Variants in MYLK4 observed in about 807,000 individuals in gnomAD.
MYLK4 encodes the protein caMLCK like.
Under a neutral mutation model 48.1 loss-of-function variants are expected in MYLK4, and 46 were observed. That is an observed-to-expected ratio of 0.96 (90% CI 0.75 to 1.22). The LOEUF (loss-of-function observed/expected upper bound fraction) is 1.22. Among genes scored for constraint, MYLK4 ranks in the 50% most tolerant of loss-of-function variants. MYLK4 has a pLI of 0.00. For missense variants in MYLK4, 451 were observed against 486.1 expected (o/e 0.93, Z 0.68); for synonymous variants, 170 against 180.8 (o/e 0.94, Z 0.48).
intron 2 of MYLK4, among the ~76,000 whole-genome samples, chr6:2,730,161 G>A (rs1044878146): frequency 2.0e-5 from 3 of 152,224 alleles, no homozygotes; most frequent in African/African-American, 7.2e-5. Flanking sequence ...TTGGGGAGGT[G>A]AGGGGCTGAA....
chr6:2,738,245 C>A (rs1763769306), intron 2 of MYLK4, among the ~76,000 whole-genome samples: 1 of 152,184 alleles, frequency 6.6e-6, no homozygotes, highest in South Asian at 2.1e-4. Context: ...GATTACCCAC[C>A]TTCCTGATCT....
intron 2 of MYLK4, among the ~76,000 whole-genome samples, chr6:2,708,901 T>C (rs989189015): frequency 6.6e-6 from 1 of 152,224 alleles, no homozygotes; most frequent in African/African-American, 2.4e-5. Flanking sequence ...TCTCAAGCCA[T>C]GTACCTATAA....
At chr6:2,743,406 C>T (rs192222848) in intron 2 of MYLK4, among the ~76,000 whole-genome samples, 10 of 152,288 alleles carry the variant, frequency 6.6e-5, no homozygotes, top group Non-Finnish European at 7.4e-5. Flanking sequence ...AATTCTGCTA[C>T]GCTTCTGACT....
In MYLK4 at chr6:2,665,889, A is replaced by G. The variant is rs1760630063; in HGVS notation, c.*2036T>C. 3 of 152,010 alleles carry G rather than the reference A, an allele frequency of 2.0e-5. No individual in the cohort carries two copies. Among genetic ancestry groups the G allele is most frequent in the African/African-American group, 7.3e-5 (3 of 41,362 alleles). 9.4% of individuals were successfully genotyped at this position (152,010 alleles called of 1,614,324 possible). A position where few individuals can be genotyped will look rare whatever the true frequency, so the allele number is the denominator to read the frequency against. On this transcript the variant is annotated 3_prime_UTR_variant, in exon 13 of 13. Coordinates refer to ENST00000274643, the MANE Select transcript of MYLK4 (RefSeq NM_001012418.5). ...CATCAGCTAAAGATAGCATAGTAAT[A>G]TAACACTCCAGTCACAGGGTTTTGT...
At chr6:2,763,591 G>A in the MYLK4 span, among the ~76,000 whole-genome samples, 1 of 152,224 alleles carries the variant, frequency 6.6e-6, no homozygotes, top group Non-Finnish European at 1.5e-5. Context: ...ACTCCCACCC[G>A]GAACTCGCGC....
chr6:2,716,588 T>G (rs747697068), intron 2 of MYLK4, among the ~76,000 whole-genome samples: 1 of 152,214 alleles, frequency 6.6e-6, no homozygotes, highest in Non-Finnish European at 1.5e-5. Context: ...GACCTGGCTA[T>G]GCTCAGAGGA....
At chr6:2,763,217 G>T in the MYLK4 span, among the ~76,000 whole-genome samples, 1 of 152,312 alleles carries the variant, frequency 6.6e-6, no homozygotes, top group South Asian at 2.1e-4. Flanking sequence ...CAATCCCTTA[G>T]CTAGACATAA....
intron 2 of MYLK4, among the ~76,000 whole-genome samples, chr6:2,725,989 A>G (rs1315770704): frequency 1.3e-5 from 2 of 152,186 alleles, no homozygotes; most frequent in Non-Finnish European, 2.9e-5. Context: ...TTTATATAAC[A>G]AGGTGAGTAA....
chr6:2,726,160 T>C (rs993958026), intron 2 of MYLK4, among the ~76,000 whole-genome samples: 1 of 152,118 alleles, frequency 6.6e-6, no homozygotes, highest in Non-Finnish European at 1.5e-5. Context: ...TGAGAAATAA[T>C]CTACATATCC....
chr6:2,705,967 T>C (rs1008325323), intron 2 of MYLK4, among the ~76,000 whole-genome samples: 3 of 151,824 alleles, frequency 2.0e-5, no homozygotes, highest in Admixed American at 1.3e-4. Flanking sequence ...TCAGCTCAAC[T>C]TGAAATGAGA....
chr6:2,698,846 G>A (rs887007496), intron 2 of MYLK4, among the ~76,000 whole-genome samples: 7 of 152,352 alleles, frequency 4.6e-5, no homozygotes, highest in African/African-American at 1.4e-4. Flanking sequence ...AGTCCTGGGT[G>A]ATAAAAGGAA....
intron 2 of MYLK4, among the ~76,000 whole-genome samples, chr6:2,703,334 C>T (rs62389611): frequency 1.1e-4 from 17 of 152,206 alleles, no homozygotes; most frequent in Non-Finnish European, 2.4e-4. Flanking sequence ...AATATTTACG[C>T]TATCCCTGCA....
intron 2 of MYLK4, among the ~76,000 whole-genome samples, chr6:2,722,882 TATGA>T (rs1763120519): frequency 6.6e-6 from 1 of 152,200 alleles, no homozygotes; most frequent in South Asian, 2.1e-4. Flanking sequence ...ATGTTTTAAT[TATGA>T]ATGAATTGCC....
At chr6:2,696,169 T>C (rs528378879) in intron 2 of MYLK4, among the ~76,000 whole-genome samples, 1 of 152,332 alleles carries the variant, frequency 6.6e-6, no homozygotes, top group Admixed American at 6.5e-5. Flanking sequence ...GATGTCCAAG[T>C]ATTCAAAACA....
intron 2 of MYLK4, among the ~76,000 whole-genome samples, chr6:2,731,137 A>G (rs576915163): frequency 2.0e-5 from 3 of 152,308 alleles, no homozygotes; most frequent in African/African-American, 7.2e-5. Flanking sequence ...CCCCCAAAAC[A>G]TACTAAAAAT....
chr6:2,765,033 C>T, the MYLK4 span, among the ~76,000 whole-genome samples: 1 of 152,190 alleles, frequency 6.6e-6, no homozygotes. Context: ...AACAGCCCAG[C>T]ACGGAAGGCC....
At chr6:2,675,875 G>A (rs1031857901) in intron 10 of MYLK4, among the ~76,000 whole-genome samples, 2 of 152,046 alleles carry the variant, frequency 1.3e-5, no homozygotes, top group African/African-American at 2.4e-5. Flanking sequence ...GGTGGATCAC[G>A]AAATCAGGAG....
chr6:2,708,068 T>C (rs1040249309), intron 2 of MYLK4, among the ~76,000 whole-genome samples: 3 of 152,180 alleles, frequency 2.0e-5, no homozygotes, highest in African/African-American at 7.2e-5. Context: ...TTGATGGTAT[T>C]AATCTCAACC....
In MYLK4 at chr6:2,679,355, G is replaced by T. The variant is rs760385501; in HGVS notation, c.812C>A (p.Ala271Asp). 4 of 1,614,038 alleles carry T rather than the reference G, an allele frequency of 2.5e-6. No individual in the cohort carries two copies. The African/African-American group carries it at 4.0e-5, about 16-fold the overall frequency. ...AAAATCATAGTTCACAACTTCAGGG[G>T]CGAGAAATTCTGGGGTTCCAAAGTT... The part of the protein sequence containing the change: ...KVNFGTPEFL[A>D]PEVVNYDFVS... Residue 271 changes from alanine (A) to aspartate (D), a missense_variant, in exon 9 of 13, where the codon GCC (alanine) becomes GAC (aspartate). By Grantham distance (126) the Ala-to-Asp change is moderately radical. Transcript: ENST00000274643.
Sources: gnomAD v4.1 joint callset for allele counts (sites outside exome capture counted in the v4.1 genomes callset) on GRCh38, gnomAD v4.1.1 for gene constraint, MANE v1.5 for transcripts, NCBI Gene and HGNC (gene_info 2026-07-23, HGNC 2026-07-21) for gene names.